Variants in MANBA observed in about 807,000 individuals in gnomAD.
The protein encoded by MANBA is mannosidase beta.
MANBA carries 83 observed loss-of-function variants against 111.1 expected under a neutral mutation model. The ratio of observed to expected loss-of-function variants is 0.75; its 90% confidence interval spans 0.63 to 0.90. The LOEUF (loss-of-function observed/expected upper bound fraction) is 0.90. Ranked by LOEUF, MANBA falls within the 40% of genes least tolerant of loss-of-function variation. The pLI is 0.00. For missense variants in MANBA, 1,036 were observed against 1,069.0 expected, an observed-to-expected ratio of 0.97 and a Z score of 0.43; for synonymous variants, 370 against 378.7, an observed-to-expected ratio of 0.98 and a Z score of 0.27.
At chr4:102,740,411 C>A (rs1455416429) in intron 1 of MANBA, among the ~76,000 whole-genome samples, 1 of 152,124 alleles carries the variant, frequency 6.6e-6, no homozygotes, top group African/African-American at 2.4e-5. Flanking sequence ...CATCAAAATA[C>A]CATCATCATT....
intron 1 of MANBA, chr4:102,730,376 T>G: frequency 2.0e-6 from 1 of 497,706 alleles, no homozygotes. Context: ...AGGGTTTGCT[T>G]AGTGTAGCAA....
chr4:102,687,501 C>G (rs1732270608), intron 7 of MANBA, among the ~76,000 whole-genome samples: 1 of 152,212 alleles, frequency 6.6e-6, no homozygotes, highest in South Asian at 2.1e-4. Context: ...ACTTCAAACT[C>G]AACCACAACT....
At chr4:102,645,291 A>G (rs1049213752) in intron 13 of MANBA, among the ~76,000 whole-genome samples, 8 of 152,018 alleles carry the variant, frequency 5.3e-5, no homozygotes, top group African/African-American at 4.8e-5. Flanking sequence ...TTTTCTGTCT[A>G]CATTCACAAA....
At chr4:102,732,321 T>A (rs1400046697) in intron 1 of MANBA, among the ~76,000 whole-genome samples, 1 of 152,210 alleles carries the variant, frequency 6.6e-6, no homozygotes, top group African/African-American at 2.4e-5. Context: ...AGAAGGGAAT[T>A]GTGCAGGCAT....
At chr4:102,689,969 C>T (rs1732402104) in intron 6 of MANBA, among the ~76,000 whole-genome samples, 2 of 152,148 alleles carry the variant, frequency 1.3e-5, no homozygotes, top group African/African-American at 2.4e-5. Context: ...ACCGAGCTTA[C>T]ATTTATTCCA....
At chr4:102,634,324 G>A (rs1198200100) in intron 16 of MANBA, among the ~76,000 whole-genome samples, 1 of 152,204 alleles carries the variant, frequency 6.6e-6, no homozygotes, top group East Asian at 1.9e-4. Context: ...AAATTAGACT[G>A]CGTCAGCTGG....
At position 102,631,980 on chromosome 4, in the gene MANBA, C is replaced by T. The variant is rs1729395906; in HGVS notation, c.*77G>A. On this transcript the variant is annotated 3_prime_UTR_variant, in exon 17 of 17. Transcript: ENST00000647097. ...TGTCTCTCGGCTTCTCTCCTTGTCT[C>T]TGTTGCCTTCCTCTCCAGTCGGTGC... 8.0e-7 allele frequency: 1 copy of T among 1,246,960 alleles called. No individual in the cohort carries two copies. The highest frequency in any genetic ancestry group is 1.7e-5 in the Admixed American group (1 of 57,596). 77.2% of individuals were successfully genotyped at this position (1,246,960 alleles called of 1,614,324 possible). A position where few individuals can be genotyped will look rare whatever the true frequency, so the allele number is the denominator to read the frequency against.
At chr4:102,754,442 T>C (rs1723928686) in intron 1 of MANBA, among the ~76,000 whole-genome samples, 1 of 152,192 alleles carries the variant, frequency 6.6e-6, no homozygotes, top group Admixed American at 6.5e-5. Context: ...ATGGTAATTG[T>C]ATATAACATA....
chr4:102,666,749 C>A (rs1731245373), intron 10 of MANBA: 2 of 152,168 alleles, frequency 1.3e-5, no homozygotes, highest in African/African-American at 4.8e-5. Flanking sequence ...ACTTTTTAAA[C>A]CTTTTATTTT....
intron 5 of MANBA, among the ~76,000 whole-genome samples, chr4:102,707,747 A>G (rs1173294238): frequency 4.6e-5 from 7 of 152,134 alleles, no homozygotes; most frequent in African/African-American, 1.7e-4. Flanking sequence ...TGACCAAACT[A>G]TATGCTGCCT....
intron 1 of MANBA, chr4:102,727,875 G>C (rs1722870373): frequency 1.8e-6 from 1 of 560,050 alleles, no homozygotes; most frequent in Non-Finnish European, 3.3e-6. Flanking sequence ...AAAGCCCCTT[G>C]TGAAGGGGCA....
chr4:102,667,661 C>A (rs1400258052), intron 10 of MANBA: 4 of 152,082 alleles, frequency 2.6e-5, no homozygotes, highest in Admixed American at 6.5e-5. Context: ...AATTGAGGCT[C>A]AAGAGGTAAA....
chr4:102,678,750 T>C (rs768877979), intron 7 of MANBA, among the ~76,000 whole-genome samples: 20 of 152,230 alleles, frequency 1.3e-4, no homozygotes, highest in Non-Finnish European at 2.9e-4. Context: ...GATAGTTGAA[T>C]GCATTCTTTC....
chr4:102,643,712 A>G lies in MANBA; in HGVS notation c.1870-3855T>C, dbSNP rs557009583. Among the ~76,000 whole-genome samples the G allele has an allele frequency of 5.3e-5, 8 of 152,272 alleles. No homozygotes were observed. The South Asian group carries it at 1.7e-3, about 32-fold the overall frequency. On this transcript the variant is annotated intron_variant, in intron 13 of 16. Coordinates refer to ENST00000647097, the MANE Select transcript of MANBA (RefSeq NM_005908.4). ...TTTTCTTTAAAGAAGTGTTTATTCA[A>G]AGCCTTTACCAATTTTTCAATTGGG...
chr4:102,635,013 GGGCTCC>G lies in MANBA; in HGVS notation c.2184_2189del (p.Glu729_Pro730del). ...AACGTTCAGTCACACGAGAGCACAC[GGGCTCC>G]AGGGAGCTCCATGTATGGACTCTCA... On this transcript the variant is annotated inframe_deletion, in exon 16 of 17. Transcript: ENST00000647097. 1 of 1,614,100 alleles carries G rather than the reference GGGCTCC, an allele frequency of 6.2e-7. No homozygotes were observed. Among genetic ancestry groups the G allele is most frequent in the Non-Finnish European group, 8.5e-7 (1 of 1,179,970 alleles).
chr4:102,724,138 T>C (rs181879557), intron 2 of MANBA, among the ~76,000 whole-genome samples, 171 bp from the exon 3 acceptor site: 2 of 152,358 alleles, frequency 1.3e-5, no homozygotes, highest in Admixed American at 6.5e-5. Context: ...CATACTTACG[T>C]CCTTTGAGTG....
At chr4:102,752,019 C>T in intron 1 of MANBA, 1 of 743,130 alleles carries the variant, frequency 1.3e-6, no homozygotes, top group Non-Finnish European at 2.5e-6. Context: ...TTTGTAGTGG[C>T]TCCTGGGATA....
intron 7 of MANBA, among the ~76,000 whole-genome samples, chr4:102,684,140 A>G (rs1732104908): frequency 6.6e-6 from 1 of 152,180 alleles, no homozygotes; most frequent in Non-Finnish European, 1.5e-5. Context: ...CACGTTTCTA[A>G]GCTCAGTGGA....
At chr4:102,648,174 T>A (rs1020387243) in intron 13 of MANBA, among the ~76,000 whole-genome samples, 1 of 152,076 alleles carries the variant, frequency 6.6e-6, no homozygotes, top group Admixed American at 6.6e-5. Flanking sequence ...AGTTTGGCAG[T>A]TTCTTAAAAA....
Sources: allele counts gnomAD v4.1 joint callset (sites outside exome capture counted in the v4.1 genomes callset), GRCh38; gene constraint gnomAD v4.1.1; transcripts MANE v1.5; gene names NCBI Gene and HGNC (gene_info 2026-07-23, HGNC 2026-07-21).